The following ZNF536 variants were observed in gnomAD, a reference collection of about 807,000 sequenced individuals.
ZNF536 encodes the protein zinc finger protein 536.
ZNF536 carries 13 observed loss-of-function variants against 84.5 expected under a neutral mutation model. The observed-to-expected ratio is 0.15, with a 90% CI of 0.10 to 0.24. The LOEUF (loss-of-function observed/expected upper bound fraction) is 0.24, where lower values mean the gene tolerates loss of function less well. Among genes scored for constraint, ZNF536 ranks in the 10% least tolerant of loss-of-function variants. The pLI is 1.00. For missense variants in ZNF536, 1,536 were observed against 1,747.5 expected (o/e 0.88, Z 2.16); for synonymous variants, 811 against 742.5 (o/e 1.09, Z -1.50).
intron 1 of ZNF536, among the ~76,000 whole-genome samples, chr19:30,382,870 A>G (rs1851003858): frequency 6.6e-6 from 1 of 152,244 alleles, no homozygotes; most frequent in Non-Finnish European, 1.5e-5. Context: ...GGAAATTATC[A>G]TTTAGCAAAC....
chr19:30,455,503 A>G (rs748462139), intron 2 of ZNF536, among the ~76,000 whole-genome samples: 2 of 152,076 alleles, frequency 1.3e-5, no homozygotes, highest in Non-Finnish European at 2.9e-5. Context: ...GCAGTTTGAG[A>G]CCAGCCTGGG....
rs55972417 is a variant in ZNF536 at position 30,294,549 on chromosome 19, A to ATGTGTGTGTGTG, written c.-120+10438_-120+10449dup. Among the ~76,000 whole-genome samples, 55 of 145,606 alleles carry ATGTGTGTGTGTG rather than the reference A, an allele frequency of 3.8e-4. 1 individual carries two copies. Among genetic ancestry groups the ATGTGTGTGTGTG allele is most frequent in the African/African-American group, 1.3e-3 (53 of 39,900 alleles). ...CTGTTTCTCCTCTCTAGGCCCCAAT[A>ATGTGTGTGTGTG]TGTGTGTGTGTGTGTGTGTGTGTGT... is the stretch of plus-strand genomic sequence containing the variant. On this transcript the variant is annotated intron_variant, in intron 2 of 5. Transcript: ENST00000585628.
intron 1 of ZNF536, among the ~76,000 whole-genome samples, chr19:30,282,688 G>A (rs2045492557): frequency 6.6e-6 from 1 of 152,100 alleles, no homozygotes; most frequent in South Asian, 2.1e-4. Context: ...CTGGGGACCT[G>A]TTTAGCTCAG....
At chr19:30,657,825 G>T (rs1331263587) in intron 1 of ZNF536, among the ~76,000 whole-genome samples, 1 of 152,154 alleles carries the variant, frequency 6.6e-6, no homozygotes, top group Non-Finnish European at 1.5e-5. Flanking sequence ...ATCTCAAAAA[G>T]AAATCAATCC....
chr19:30,506,342 T>C (rs2055173703), intron 2 of ZNF536, among the ~76,000 whole-genome samples: 2 of 152,158 alleles, frequency 1.3e-5, no homozygotes, highest in Non-Finnish European at 1.5e-5. Context: ...CCTTTGACAA[T>C]GATTCTTGAA....
At chr19:30,585,867 C>A (rs1198818813) in intron 1 of ZNF536, among the ~76,000 whole-genome samples, 2 of 152,196 alleles carry the variant, frequency 1.3e-5, no homozygotes, top group Admixed American at 6.5e-5. Context: ...GTCCAAGGAA[C>A]TTTCATTGTC....
At chr19:30,593,174 G>A (rs1472552670) in intron 1 of ZNF536, among the ~76,000 whole-genome samples, 1 of 152,068 alleles carries the variant, frequency 6.6e-6, no homozygotes, top group Non-Finnish European at 1.5e-5. Flanking sequence ...CCTCTTTCTC[G>A]CTGCTCTCTT....
intron 1 of ZNF536, among the ~76,000 whole-genome samples, chr19:30,435,298 G>A (rs1362942711): frequency 6.6e-6 from 1 of 151,190 alleles, no homozygotes; most frequent in Non-Finnish European, 1.5e-5. Flanking sequence ...TGGTGATGGT[G>A]GTGATGCTGA....
chr19:30,330,443 AG>A (rs1177049780), intron 2 of ZNF536, among the ~76,000 whole-genome samples: 1 of 152,106 alleles, frequency 6.6e-6, no homozygotes, highest in Non-Finnish European at 1.5e-5. Flanking sequence ...TCTGGGCTGC[AG>A]GGGGCATTGG....
intron 2 of ZNF536, among the ~76,000 whole-genome samples, chr19:30,487,389 G>A (rs2054341136): frequency 6.6e-6 from 1 of 152,052 alleles, no homozygotes; most frequent in South Asian, 2.1e-4. Flanking sequence ...ACAAAAGAAG[G>A]AAACACAACT....
chr19:30,529,050 G>C (rs1401357991), intron 2 of ZNF536, among the ~76,000 whole-genome samples: 1 of 152,050 alleles, frequency 6.6e-6, no homozygotes, highest in Non-Finnish European at 1.5e-5. Context: ...GAGGGGTGAA[G>C]GGACTTGCTT....
In ZNF536 at chr19:30,584,136, A is replaced by C. The variant is rs139090743; in HGVS notation, c.169+34622A>C. ...ACGCTGCATCTTCCTATCTCCCCTG[A>C]TGTCCTTCCCTCCTGCCCTCCTATC... On this transcript the variant is annotated intron_variant, in intron 1 of 1. Coordinates refer to the ZNF536 transcript ENST00000592773. 5.7e-3 allele frequency among the ~76,000 whole-genome samples: 862 copies of C among 152,234 alleles called. 5 individuals carry two copies. Among genetic ancestry groups the C allele is most frequent in the Non-Finnish European group, 9.4e-3 (637 of 68,006 alleles).
intron 3 of ZNF536, among the ~76,000 whole-genome samples, chr19:30,540,763 C>T (rs1195061646): frequency 4.6e-5 from 7 of 152,252 alleles, no homozygotes; most frequent in African/African-American, 1.4e-4. Flanking sequence ...ATTAATGCAA[C>T]ATTTCTTTGA....
At chr19:30,407,096 G>A (rs2050290307) in intron 1 of ZNF536, among the ~76,000 whole-genome samples, 1 of 152,074 alleles carries the variant, frequency 6.6e-6, no homozygotes, top group East Asian at 1.9e-4. Flanking sequence ...GCAGGTGGCT[G>A]GATAAAGGAT....
chr19:30,245,400 G>T (rs2024199974), intron 1 of ZNF536, among the ~76,000 whole-genome samples: 1 of 152,232 alleles, frequency 6.6e-6, no homozygotes, highest in African/African-American at 2.4e-5. Flanking sequence ...ACAGTCTCCT[G>T]AGGTCTCTAC....
intron 1 of ZNF536, among the ~76,000 whole-genome samples, chr19:30,627,390 G>A (rs1055699287): frequency 7.1e-6 from 1 of 139,946 alleles, no homozygotes; most frequent in Non-Finnish European, 1.5e-5. Context: ...AGGATCACTT[G>A]AGCCCAAAAG....
chr19:30,303,587 C>T (rs1198996739), intron 2 of ZNF536, among the ~76,000 whole-genome samples: 3 of 152,034 alleles, frequency 2.0e-5, no homozygotes, highest in Non-Finnish European at 4.4e-5. Flanking sequence ...ACTGCAACCT[C>T]CGCCTCCCAG....
intron 1 of ZNF536, among the ~76,000 whole-genome samples, chr19:30,571,598 C>A (rs983203368): frequency 5.9e-5 from 9 of 152,170 alleles, no homozygotes; most frequent in Non-Finnish European, 1.0e-4. Context: ...GTCCATGCCC[C>A]CTTCTTGGTG....
intron 1 of ZNF536, among the ~76,000 whole-genome samples, chr19:30,233,789 G>C (rs1318158329): frequency 6.6e-6 from 1 of 152,128 alleles, no homozygotes; most frequent in Non-Finnish European, 1.5e-5. Flanking sequence ...TCTAGGATTA[G>C]ACCCATCCTT....
Sources: allele counts gnomAD v4.1 joint callset (sites outside exome capture counted in the v4.1 genomes callset), GRCh38; gene constraint gnomAD v4.1.1; transcripts MANE v1.5; gene names NCBI Gene and HGNC (gene_info 2026-07-23, HGNC 2026-07-21).